Variants in NRXN3 observed in about 807,000 individuals in gnomAD.
The protein encoded by NRXN3 is neurexin 3, also known as neurexin III.
NRXN3 carries 32 observed loss-of-function variants against 137.6 expected under a neutral mutation model. That is an observed-to-expected ratio of 0.23 (90% CI 0.18 to 0.31). The LOEUF (loss-of-function observed/expected upper bound fraction) is 0.31. Ranked by LOEUF, NRXN3 falls within the 10% of genes least tolerant of loss-of-function variation. The pLI is 1.00. For missense variants in NRXN3, 1,574 were observed against 2,062.5 expected (o/e 0.76, Z 4.59); for synonymous variants, 798 against 784.5 (o/e 1.02, Z -0.29).
rs985449328 is a variant in NRXN3 at position 79,475,935 on chromosome 14, T to C, written c.3444+8533T>C. Among the ~76,000 whole-genome samples, 3 of 152,102 alleles carry C rather than the reference T, an allele frequency of 2.0e-5. No individual in the cohort carries two copies. The East Asian group carries it at 5.8e-4, about 29-fold the overall frequency. On this transcript the variant is annotated intron_variant, in intron 16 of 20. Transcript: ENST00000335750. Reference sequence around the variant, plus strand: ...CAGAAGCTTTTTAGATATATGAATCTAAAATGCAACAAGCAAGGCAAACTC... The same window carrying C: ...CAGAAGCTTTTTAGATATATGAATCCAAAATGCAACAAGCAAGGCAAACTC...
chr14:79,801,098 G>A (rs895303111), intron 19 of NRXN3, among the ~76,000 whole-genome samples: 1 of 152,170 alleles, frequency 6.6e-6, no homozygotes, highest in Non-Finnish European at 1.5e-5. Context: ...CAGGCAAAGA[G>A]GGACTGAGAT....
At chr14:79,111,304 A>G (rs1023728627) in intron 15 of NRXN3, among the ~76,000 whole-genome samples, 1 of 152,194 alleles carries the variant, frequency 6.6e-6, no homozygotes, top group Admixed American at 6.5e-5. Context: ...TTGAATTAAA[A>G]TCTCAAATAC....
At chr14:79,856,279 G>A (rs1347930704) in intron 20 of NRXN3, among the ~76,000 whole-genome samples, 1 of 152,116 alleles carries the variant, frequency 6.6e-6, no homozygotes, top group Non-Finnish European at 1.5e-5. Flanking sequence ...AAGGTTGATA[G>A]AGAGCAATTT....
chr14:79,151,256 A>T (rs192265080), intron 15 of NRXN3, among the ~76,000 whole-genome samples: 86 of 152,170 alleles, frequency 5.7e-4, no homozygotes, highest in African/African-American at 1.8e-3. Flanking sequence ...CAGATTAGAA[A>T]TGGTAAAGCC....
intron 8 of NRXN3, among the ~76,000 whole-genome samples, chr14:78,757,727 TG>T (rs1487700976): frequency 6.6e-6 from 1 of 152,278 alleles, no homozygotes; most frequent in Admixed American, 6.5e-5. Context: ...GAATAAAAAA[TG>T]TGAATAAATT....
At position 79,317,889 on chromosome 14, in the gene NRXN3, C is replaced by G. The variant is rs77034942; in HGVS notation, c.3263-149332C>G. On this transcript the variant is annotated intron_variant, in intron 15 of 20. Coordinates refer to ENST00000335750, the MANE Select transcript of NRXN3 (RefSeq NM_001330195.2). ...TACCTACATTGGGAGTGGGCTGAAT[C>G]CACAGAAAGTTTTACTGATGGTGGT... 8.8e-3 allele frequency among the ~76,000 whole-genome samples: 1,333 copies of G among 152,096 alleles called. 21 individuals are homozygous for G. Among genetic ancestry groups the G allele is most frequent in the African/African-American group, 0.03 (1,259 of 41,486 alleles).
intron 16 of NRXN3, among the ~76,000 whole-genome samples, chr14:79,560,218 C>G (rs78416664): frequency 0.032 from 4,822 of 152,166 alleles, 110 homozygotes; most frequent in Middle Eastern, 0.095. Flanking sequence ...ATATTCCTTT[C>G]TACAGATAGG....
At chr14:79,580,765 T>G (rs2097708033) in intron 16 of NRXN3, among the ~76,000 whole-genome samples, 1 of 152,168 alleles carries the variant, frequency 6.6e-6, no homozygotes, top group Non-Finnish European at 1.5e-5. Context: ...CTCCTGATGC[T>G]GTTCAAAGTG....
intron 19 of NRXN3, among the ~76,000 whole-genome samples, chr14:79,768,252 C>G (rs1310072237): frequency 1.3e-5 from 2 of 152,220 alleles, no homozygotes; most frequent in Non-Finnish European, 2.9e-5. Flanking sequence ...CAGGAAGCTC[C>G]AACTGGGTGG....
At chr14:78,712,177 C>G (rs2098412243) in intron 7 of NRXN3, among the ~76,000 whole-genome samples, 2 of 152,050 alleles carry the variant, frequency 1.3e-5, no homozygotes, top group South Asian at 2.1e-4. Context: ...TAGATGTCTC[C>G]CCATTTTAGT....
At chr14:78,171,024 C>T (rs1185103105) in intron 1 of NRXN3, among the ~76,000 whole-genome samples, 1 of 141,812 alleles carries the variant, frequency 7.1e-6, no homozygotes, top group Non-Finnish European at 1.5e-5. Flanking sequence ...GTGTGCTCAT[C>T]ACTTCATTTT....
At chr14:79,258,425 G>A (rs758845596) in intron 15 of NRXN3, among the ~76,000 whole-genome samples, 4 of 152,134 alleles carry the variant, frequency 2.6e-5, no homozygotes, top group Admixed American at 2.6e-4. Context: ...GGCTGGTCTC[G>A]AACTCCTGCC....
chr14:78,970,160 A>T (rs1317700996), intron 14 of NRXN3, among the ~76,000 whole-genome samples: 1 of 152,182 alleles, frequency 6.6e-6, no homozygotes, highest in Non-Finnish European at 1.5e-5. Context: ...CAGAATTTTT[A>T]TTATGCCATC....
At chr14:78,911,916 G>T (rs1221818261) in intron 10 of NRXN3, among the ~76,000 whole-genome samples, 1 of 149,600 alleles carries the variant, frequency 6.7e-6, no homozygotes, top group Non-Finnish European at 1.5e-5. Context: ...TTTTCCTTAT[G>T]TACAGGTTTT....
intron 16 of NRXN3, among the ~76,000 whole-genome samples, chr14:79,531,016 G>A (rs1177025827): frequency 2.0e-5 from 3 of 152,124 alleles, no homozygotes; most frequent in African/African-American, 7.2e-5. Flanking sequence ...TTATCTCCCA[G>A]CAGAAGTGTT....
At chr14:79,420,282 T>C (rs2153531381) in intron 15 of NRXN3, among the ~76,000 whole-genome samples, 1 of 152,244 alleles carries the variant, frequency 6.6e-6, no homozygotes, top group Non-Finnish European at 1.5e-5. Flanking sequence ...TCCAAGAACA[T>C]GTAAAATAGA....
intron 4 of NRXN3, among the ~76,000 whole-genome samples, chr14:78,550,390 C>G (rs2096676030): frequency 6.6e-6 from 1 of 152,138 alleles, no homozygotes; most frequent in Non-Finnish European, 1.5e-5. Flanking sequence ...CTTGACACTT[C>G]TCCCCAATGA....
chr14:79,218,276 A>C (rs1168833349), intron 15 of NRXN3, among the ~76,000 whole-genome samples: 5 of 152,190 alleles, frequency 3.3e-5, no homozygotes, highest in Admixed American at 3.3e-4. Context: ...ATTCAGACAG[A>C]TCTGGGTTTG....
chr14:79,757,977 T>C (rs1286317765), intron 19 of NRXN3, among the ~76,000 whole-genome samples: 1 of 152,208 alleles, frequency 6.6e-6, no homozygotes, highest in Non-Finnish European at 1.5e-5. Flanking sequence ...TATACTTTTT[T>C]TCCCCTCCAA....
Sources: allele counts gnomAD v4.1 joint callset (sites outside exome capture counted in the v4.1 genomes callset), GRCh38; gene constraint gnomAD v4.1.1; transcripts MANE v1.5; gene names NCBI Gene and HGNC (gene_info 2026-07-23, HGNC 2026-07-21).